The following VN1R1 variants were observed in gnomAD, a reference collection of about 807,000 sequenced individuals.
VN1R1 encodes vomeronasal 1 receptor 1.
For missense variants in VN1R1, 391 were observed against 410.3 expected, an observed-to-expected ratio of 0.95 and a Z score of 0.41; for synonymous variants, 168 against 149.8, an observed-to-expected ratio of 1.12 and a Z score of -0.89.
rs762923212 is a variant in VN1R1 at position 57,456,383 on chromosome 19, G to T, written c.104C>A (p.Pro35His). The T allele has an allele frequency of 1.2e-6, 2 of 1,613,636 alleles. No homozygotes were observed. Among genetic ancestry groups the T allele is most frequent in the Non-Finnish European group, 1.7e-6 (2 of 1,179,570 alleles). ...DSSDLNENQHPLDFDEMAFGK... is the reference protein window; with the variant it reads ...DSSDLNENQHHLDFDEMAFGK... ...AAAAGCCATTTCATCAAAATCTAGGGGATGTTGATTTTCATTGAGGTCTGA... is the reference window on the plus strand; with the variant it reads ...AAAAGCCATTTCATCAAAATCTAGGTGATGTTGATTTTCATTGAGGTCTGA... The change falls in exon 1 of 1, where the codon CCC (proline) becomes CAC (histidine). Residue 35 changes from proline (P) to histidine (H), a missense_variant. Physicochemically the swap from Pro to His is moderately conservative, Grantham distance 77 (BLOSUM62 -2). Transcript: ENST00000321039.
Position 57,455,554 on chromosome 19 carries a change from C to T in VN1R1, c.933G>A (p.Val311=), listed in dbSNP as rs2089125746. The part of the protein sequence containing the change: ...NPGQWIVTNS[V]LVASCFPARS... ...GTGCTGGGAAACATGAGGCGACCAA[C>T]ACAGAGTTGGTCACTATCCACTGGC... Residue 311 remains valine, a synonymous_variant, in exon 1 of 1, where the codon GTG becomes GTA. Coordinates refer to ENST00000321039, the MANE Select transcript of VN1R1 (RefSeq NM_020633.4). 1.2e-6 allele frequency: 2 copies of T among 1,614,020 alleles called. No homozygotes were observed.
At position 57,455,545 on chromosome 19, in the gene VN1R1, G is replaced by C; in HGVS notation, c.942C>G (p.Ala314=). 3 of 1,614,146 alleles carry C rather than the reference G, an allele frequency of 1.9e-6. No homozygotes were observed. The highest frequency in any genetic ancestry group is 1.7e-5 in the Admixed American group (1 of 60,022). Residue 314 remains alanine (A), a synonymous_variant, in exon 1 of 1, where the codon GCC becomes GCG. Coordinates refer to ENST00000321039, the MANE Select transcript of VN1R1 (RefSeq NM_020633.4). The part of the protein sequence containing the change: ...QWIVTNSVLV[A]SCFPARSPFV... The stretch of plus-strand genomic sequence containing the variant: ...AAGGGCTGCGTGCTGGGAAACATGA[G>C]GCGACCAACACAGAGTTGGTCACTA...
chr19:57,455,229 A>G lies in VN1R1; in HGVS notation c.*196T>C. On this transcript the variant is annotated 3_prime_UTR_variant, in exon 1 of 1. Coordinates refer to ENST00000321039, the MANE Select transcript of VN1R1 (RefSeq NM_020633.4). ...TTGATTTCCTGAACTTGTCTGAAGG[A>G]CTTAACACAGTTATATAGAGTGTTC... 1.9e-6 allele frequency: 1 copy of G among 536,874 alleles called. No individual in the cohort carries two copies. Among genetic ancestry groups the G allele is most frequent in the Non-Finnish European group, 3.2e-6 (1 of 311,280 alleles). 33.3% of individuals were successfully genotyped at this position (536,874 alleles called of 1,614,324 possible).
At position 57,455,803 on chromosome 19, in the gene VN1R1, A is replaced by G. The variant is rs757154417; in HGVS notation, c.684T>C (p.Asp228=). ...AGACCATGAAGCCCAAACTCATAAA[A>G]TCAGGGGAAAAATATAAGACTGCAT... ...SLHAVLYFSP[D]FMSLGFMVWA... Residue 228 remains aspartate (D), a synonymous_variant, in exon 1 of 1, where the codon GAT becomes GAC. Transcript: ENST00000321039. 7 of 1,614,202 alleles carry G rather than the reference A, an allele frequency of 4.3e-6. No homozygotes were observed. The South Asian group carries it at 6.6e-5, about 15-fold the overall frequency.
chr19:57,455,740 G>T lies in VN1R1; in HGVS notation c.747C>A (p.His249Gln). The T allele has an allele frequency of 3.7e-6, 6 of 1,614,176 alleles. No individual in the cohort carries two copies. Among genetic ancestry groups the T allele is most frequent in the Non-Finnish European group, 5.1e-6 (6 of 1,180,024 alleles). ...SGSMVFFLYR[H>Q]KQQVQHNHSN... ...TGTGATTGTGTTGGACTTGCTGCTT[G>T]TGTCTGTAGAGGAAGAAGACCATGG... Residue 249 changes from histidine to glutamine, a missense_variant, in exon 1 of 1, where the codon CAC becomes CAA. His to Gln is a conservative substitution (Grantham distance 24). Transcript: ENST00000321039.
chr19:57,456,675 T>C lies in VN1R1; in HGVS notation c.-189A>G. The stretch of plus-strand genomic sequence containing the variant: ...AAATACAAGCAAAACTAGGGAAATA[T>C]ATAAAAACAGAACACAGAAGAGTCA... On this transcript the variant is annotated 5_prime_UTR_variant, in exon 1 of 1. It adds an upstream start codon to the 5' untranslated region. Coordinates refer to ENST00000321039, the MANE Select transcript of VN1R1 (RefSeq NM_020633.4). The C allele has an allele frequency of 2.0e-6, 1 of 504,590 alleles. No individual in the cohort carries two copies. The highest frequency in any genetic ancestry group is 3.5e-6 in the Non-Finnish European group (1 of 289,672). The allele number at this position is 504,590 out of a possible 1,614,324, so 31.3% of individuals were successfully genotyped here. A position where few individuals can be genotyped will look rare whatever the true frequency, so the allele number is the denominator to read the frequency against.
chr19:57,456,220 T>C lies in VN1R1; in HGVS notation c.267A>G (p.Gln89=), dbSNP rs768928914. Residue 89 remains glutamine (Q), a synonymous_variant, in exon 1 of 1, where the codon CAA becomes CAG. Coordinates refer to ENST00000321039, the MANE Select transcript of VN1R1 (RefSeq NM_020633.4). ...KLRPTDLILS[Q]LALANSMVLF... The stretch of plus-strand genomic sequence containing the variant: ...GGACCATGGAGTTAGCCAAGGCCAG[T>C]TGGCTGAGAATCAAGTCCGTGGGTC... 19 of 1,614,250 alleles carry C rather than the reference T, an allele frequency of 1.2e-5. No individual in the cohort carries two copies. The highest frequency in any genetic ancestry group is 4.5e-5 in the East Asian group (2 of 44,890).
At position 57,455,847 on chromosome 19, in the gene VN1R1, T is replaced by C. The variant is rs1387928957; in HGVS notation, c.640A>G (p.Lys214Glu). Reference protein sequence around the residue: ...NYGYCSYKASKRFSSLHAVLY... With the variant: ...NYGYCSYKASERFSSLHAVLY... ...ACTGCATGTAATGAGCTAAATCTCT[T>C]TGATGCTTTGTAAGAACAGTATCCA... The change falls in exon 1 of 1, where the codon AAG becomes GAG. Residue 214 changes from lysine to glutamate, a missense_variant. By Grantham distance (56) the Lys-to-Glu change is moderately conservative. Transcript: ENST00000321039. 1.2e-6 allele frequency: 2 copies of C among 1,614,224 alleles called. No individual in the cohort carries two copies. The highest frequency in any genetic ancestry group is 1.3e-5 in the African/African-American group (1 of 75,042).
At position 57,455,412 on chromosome 19, in the gene VN1R1, GAA is replaced by G. The variant is rs1477965752; in HGVS notation, c.*11_*12del. 1 of 1,587,476 alleles carries G rather than the reference GAA, an allele frequency of 6.3e-7. No homozygotes were observed. Among genetic ancestry groups the G allele is most frequent in the East Asian group, 2.2e-5 (1 of 44,662 alleles). ...GTTATGATAAATAGCTGAATTCCAT[GAA>G]GAGAAAAGACTCATGGCATGACAAC... On this transcript the variant is annotated 3_prime_UTR_variant, in exon 1 of 1. Coordinates refer to ENST00000321039, the MANE Select transcript of VN1R1 (RefSeq NM_020633.4).
At position 57,455,169 on chromosome 19, in the gene VN1R1, C is replaced by A; in HGVS notation, c.*256G>T. The A allele has an allele frequency of 2.5e-6, 1 of 404,706 alleles. No homozygotes were observed. The highest frequency in any genetic ancestry group is 4.5e-5 in the East Asian group (1 of 22,386). 25.1% of individuals were successfully genotyped at this position (404,706 alleles called of 1,614,324 possible). ...TCATAGTACAAAAATGAGAAATCTC[C>A]CCTAAATCTCTAAAGAATTCCCTTT... On this transcript the variant is annotated 3_prime_UTR_variant, in exon 1 of 1. Coordinates refer to ENST00000321039, the MANE Select transcript of VN1R1 (RefSeq NM_020633.4).
Position 57,455,631 on chromosome 19 carries a change from A to G in VN1R1, c.856T>C (p.Tyr286His). ...MVLVSSFFVF[Y>H]SVHSFLTIWT... ...ATTGTCAGAAAACTATGGACTGAAT[A>G]GAAAACAAAAAAGGAGCTCACCAGG... is the stretch of plus-strand genomic sequence containing the variant. The change falls in exon 1 of 1, where the codon TAT becomes CAT. Residue 286 changes from tyrosine to histidine, a missense_variant. Physicochemically the swap from Tyr to His is moderately conservative, Grantham distance 83. Coordinates refer to ENST00000321039, the MANE Select transcript of VN1R1 (RefSeq NM_020633.4). 6.2e-7 allele frequency: 1 copy of G among 1,614,206 alleles called. No homozygotes were observed. The highest frequency in any genetic ancestry group is 8.5e-7 in the Non-Finnish European group (1 of 1,180,046).
chr19:57,455,708 C>A lies in VN1R1; in HGVS notation c.779G>T (p.Arg260Ile). The A allele has an allele frequency of 6.2e-7, 1 of 1,614,136 alleles. No homozygotes were observed. The part of the protein sequence containing the change: ...KQQVQHNHSN[R>I]LSCRPSQEAR... Reference sequence around the variant, plus strand: ...TTCCTGGGAAGGTCTGCAGGAGAGTCTGTTGCTGTGATTGTGTTGGACTTG... The same window carrying A: ...TTCCTGGGAAGGTCTGCAGGAGAGTATGTTGCTGTGATTGTGTTGGACTTG... Residue 260 changes from arginine to isoleucine, a missense_variant, in exon 1 of 1, where the codon AGA (arginine) becomes ATA (isoleucine). Coordinates refer to ENST00000321039, the MANE Select transcript of VN1R1 (RefSeq NM_020633.4).
In VN1R1 at chr19:57,456,174, G is replaced by C; in HGVS notation, c.313C>G (p.Gln105Glu). The C allele has an allele frequency of 6.2e-7, 1 of 1,614,220 alleles. No individual in the cohort carries two copies. The highest frequency in any genetic ancestry group is 8.5e-7 in the Non-Finnish European group (1 of 1,180,052). ...SMVLFFKGIP[Q>E]TMAAFGLKYL... ...TTCAATCCAAAAGCTGCCATTGTCTGAGGTATCCCTTTAAAGAAAAGGACC... is the reference window on the plus strand; with the variant it reads ...TTCAATCCAAAAGCTGCCATTGTCTCAGGTATCCCTTTAAAGAAAAGGACC... The change falls in exon 1 of 1, where the codon CAG becomes GAG. Residue 105 changes from glutamine to glutamate, a missense_variant. Coordinates refer to ENST00000321039, the MANE Select transcript of VN1R1 (RefSeq NM_020633.4).
rs775403015 is a variant in VN1R1, at chr19:57,456,060, T to C, written c.427A>G (p.Asn143Asp). 69 of 1,613,852 alleles carry C rather than the reference T, an allele frequency of 4.3e-5. No individual in the cohort carries two copies. The highest frequency in any genetic ancestry group is 1.2e-4 in the Admixed American group (7 of 60,000). Residue 143 changes from asparagine to aspartate, a missense_variant, in exon 1 of 1, where the codon AAT becomes GAT. Coordinates refer to ENST00000321039, the MANE Select transcript of VN1R1 (RefSeq NM_020633.4). ...TTGAGCTTAATGGCTTGGAATCCATTGAGAAGGCAGATGGTGCTGAGGGAA... is the reference window on the plus strand; with the variant it reads ...TTGAGCTTAATGGCTTGGAATCCATCGAGAAGGCAGATGGTGCTGAGGGAA... Reference protein sequence around the residue: ...RVSLSTICLLNGFQAIKLNPS... With the variant: ...RVSLSTICLLDGFQAIKLNPS...
Position 57,455,623 on chromosome 19 carries a change from G to A in VN1R1, c.864C>T (p.Val288=). 1.9e-6 allele frequency: 3 copies of A among 1,614,142 alleles called. No individual in the cohort carries two copies. The highest frequency in any genetic ancestry group is 2.5e-6 in the Non-Finnish European group (3 of 1,180,036). Residue 288 remains valine (V), a synonymous_variant, in exon 1 of 1, where the codon GTC becomes GTT. Coordinates refer to ENST00000321039, the MANE Select transcript of VN1R1 (RefSeq NM_020633.4). ...TTGTCCAAATTGTCAGAAAACTATG[G>A]ACTGAATAGAAAACAAAAAAGGAGC... ...LVSSFFVFYS[V]HSFLTIWTTV... is the part of the protein sequence containing the mutation.
the VN1R1 span, chr19:57,455,921 A>C: frequency 4.4e-5 from 71 of 1,614,238 alleles, no homozygotes; most frequent in African/African-American, 7.3e-4. Context: ...GCCATTCACT[A>C]ATAGAAGAAC....
chr19:57,455,693 G>T lies in VN1R1; in HGVS notation c.794C>A (p.Pro265His). 6.2e-7 allele frequency: 1 copy of T among 1,614,162 alleles called. No homozygotes were observed. Among genetic ancestry groups the T allele is most frequent in the Non-Finnish European group, 8.5e-7 (1 of 1,180,014 alleles). The change falls in exon 1 of 1, where the codon CCT (proline) becomes CAT (histidine). Residue 265 changes from proline (P) to histidine (H), a missense_variant. Transcript: ENST00000321039. ...HNHSNRLSCR[P>H]SQEARATHTI... is the part of the protein sequence containing the mutation. ...GTGTGTGGCTCTGGCTTCCTGGGAA[G>T]GTCTGCAGGAGAGTCTGTTGCTGTG... is the stretch of plus-strand genomic sequence containing the variant.
In VN1R1 at chr19:57,455,125, T is replaced by A. The variant is rs950922135; in HGVS notation, c.*300A>T. ...TCAAACTGTGCTTTAAAAATATTTT[T>A]AAAACATTCCATGATTCTTCATAGT... is the stretch of plus-strand genomic sequence containing the variant. On this transcript the variant is annotated 3_prime_UTR_variant, in exon 1 of 1. Coordinates refer to ENST00000321039, the MANE Select transcript of VN1R1 (RefSeq NM_020633.4). The A allele has an allele frequency of 3.4e-6, 1 of 291,620 alleles. No homozygotes were observed. Among genetic ancestry groups the A allele is most frequent in the Admixed American group, 4.9e-5 (1 of 20,600 alleles). 18.1% of individuals were successfully genotyped at this position (291,620 alleles called of 1,614,324 possible).
rs904697078 is a variant in VN1R1, at chr19:57,456,885, C to T, written c.-399G>A. ...AAGCAAAAATAATACACCATAAAAC[C>T]TTTTCCACACTAATATTTTAGTAAA... On this transcript the variant is annotated 5_prime_UTR_variant, in exon 1 of 1. Coordinates refer to ENST00000321039, the MANE Select transcript of VN1R1 (RefSeq NM_020633.4). 2 of 157,174 alleles carry T rather than the reference C, an allele frequency of 1.3e-5. No homozygotes were observed. Among genetic ancestry groups the T allele is most frequent in the African/African-American group, 2.4e-5 (1 of 41,536 alleles). 9.7% of individuals were successfully genotyped at this position (157,174 alleles called of 1,614,324 possible).
Sources: allele counts gnomAD v4.1 joint callset, GRCh38; gene constraint gnomAD v4.1.1; transcripts MANE v1.5; gene names NCBI Gene and HGNC (gene_info 2026-07-23, HGNC 2026-07-21).